Variants in PUDP observed in about 807,000 individuals in gnomAD.
PUDP encodes the protein pseudouridine 5'-phosphatase.
Under a neutral mutation model 9.4 loss-of-function variants are expected in PUDP, and 8 were observed. The observed-to-expected ratio is 0.85, with a 90% CI of 0.50 to 1.53. PUDP has a LOEUF of 1.53. Ranked by LOEUF, PUDP falls within the 40% of genes most tolerant of loss-of-function variation. The pLI is 0.00. For synonymous variants in PUDP, 99 were observed against 80.7 expected (o/e 1.23, Z -1.22); for missense variants, 188 against 189.7 (o/e 0.99, Z 0.05).
At chrX:6,780,730 T>TACAC (rs1281795801) in intron 3 of PUDP, among the ~76,000 whole-genome samples, 1 of 109,560 alleles carries the variant, frequency 9.1e-6, no homozygotes. Context: ...GATAAACATG[T>TACAC]ACACACACAC....
intron 3 of PUDP, among the ~76,000 whole-genome samples, chrX:6,829,207 C>T (rs1032516087): frequency 3.6e-5 from 4 of 111,303 alleles, no homozygotes; most frequent in African/African-American, 1.3e-4. Context: ...TGTTTAAATG[C>T]CAGCAAATCT....
intron 3 of PUDP, among the ~76,000 whole-genome samples, chrX:6,830,564 G>A (rs1230062843): frequency 8.9e-6 from 1 of 111,826 alleles, no homozygotes; most frequent in Admixed American, 9.5e-5. Flanking sequence ...AATATCTAAG[G>A]ATTCATTTTT....
intron 2 of PUDP, among the ~76,000 whole-genome samples, chrX:7,099,849 C>A (rs762602492): frequency 1.8e-5 from 2 of 111,523 alleles, no homozygotes; most frequent in Admixed American, 1.9e-4. Flanking sequence ...GCAGACATGC[C>A]CCCACATCAT....
At chrX:7,060,535 G>A (rs1930370936) in intron 3 of PUDP, among the ~76,000 whole-genome samples, 1 of 112,077 alleles carries the variant, frequency 8.9e-6, no homozygotes, top group South Asian at 3.7e-4. Flanking sequence ...CAGAAGTGCT[G>A]CCATGGATAA....
chrX:6,809,467 AT>A (rs200455469), intron 3 of PUDP, among the ~76,000 whole-genome samples: 5 of 107,020 alleles, frequency 4.7e-5, no homozygotes, highest in East Asian at 6.0e-4. Context: ...TAATTTATTG[AT>A]TTTTTTTTGT....
chrX:7,109,518 G>A (rs1283666864), intron 1 of PUDP, among the ~76,000 whole-genome samples: 1 of 112,377 alleles, frequency 8.9e-6, no homozygotes, highest in Non-Finnish European at 1.9e-5. Context: ...CTCTAAAAAT[G>A]CTTCCAACAG....
chrX:6,753,857 T>G (rs1925137608), intron 3 of PUDP, among the ~76,000 whole-genome samples: 1 of 112,129 alleles, frequency 8.9e-6, no homozygotes, highest in Admixed American at 9.4e-5. Context: ...TTGAGTTCAT[T>G]GTAGATTCTA....
intron 1 of PUDP, among the ~76,000 whole-genome samples, chrX:7,140,273 A>C (rs1765034927): frequency 8.9e-6 from 1 of 111,873 alleles, no homozygotes; most frequent in Admixed American, 9.5e-5. Flanking sequence ...TAATATATTA[A>C]ATGCTGCATT....
chrX:6,944,915 G>A (rs776213452), intron 3 of PUDP, among the ~76,000 whole-genome samples: 2 of 111,575 alleles, frequency 1.8e-5, no homozygotes, highest in East Asian at 5.7e-4. Context: ...CTCCTTATCC[G>A]ATCACAAATC....
At chrX:6,893,437 CAAG>C (rs1026747941) in intron 3 of PUDP, among the ~76,000 whole-genome samples, 1 of 111,653 alleles carries the variant, frequency 9.0e-6, no homozygotes, top group African/African-American at 3.3e-5. Context: ...CCTAAAATAT[CAAG>C]AAAAGTGTTC....
intron 1 of PUDP, among the ~76,000 whole-genome samples, chrX:7,123,491 C>T (rs1429572479): frequency 9.0e-6 from 1 of 111,665 alleles, no homozygotes; most frequent in Non-Finnish European, 1.9e-5. Flanking sequence ...GAAGACTTAA[C>T]ACAGAAAACA....
chrX:6,866,261 T>TC, intron 3 of PUDP, among the ~76,000 whole-genome samples: 1 of 109,685 alleles, frequency 9.1e-6, no homozygotes, highest in African/African-American at 3.3e-5. Flanking sequence ...TTTATGGTTT[T>TC]TTTTTTTGTA....
intron 1 of PUDP, among the ~76,000 whole-genome samples, chrX:7,120,160 T>C (rs1306366994): frequency 8.1e-5 from 9 of 111,465 alleles, no homozygotes; most frequent in African/African-American, 2.6e-4. Context: ...GAGAGAATAA[T>C]TGTCCCCCAA....
chrX:7,066,089 T>C (rs1315290568), intron 3 of PUDP, among the ~76,000 whole-genome samples: 1 of 111,843 alleles, frequency 8.9e-6, no homozygotes, highest in Non-Finnish European at 1.9e-5. Flanking sequence ...GATGCACTAG[T>C]GTATGGGGGA....
intron 2 of PUDP, among the ~76,000 whole-genome samples, chrX:7,094,986 G>A (rs1398671702): frequency 2.7e-5 from 3 of 111,769 alleles, no homozygotes; most frequent in East Asian, 5.7e-4. Flanking sequence ...GCCCCAAATC[G>A]AGACCACCAC....
intron 1 of PUDP, among the ~76,000 whole-genome samples, chrX:7,026,168 A>G (rs1298760795): frequency 8.9e-6 from 1 of 112,133 alleles, no homozygotes; most frequent in Non-Finnish European, 1.9e-5. Flanking sequence ...CAAGGGCCCC[A>G]GCAGCCTGCC....
At chrX:6,937,505 A>G (rs1411508149) in intron 3 of PUDP, among the ~76,000 whole-genome samples, 3 of 102,168 alleles carry the variant, frequency 2.9e-5, no homozygotes, top group Non-Finnish European at 6.0e-5. Flanking sequence ...AGACTTAAAC[A>G]TTAGACCTAA....
At chrX:6,715,811 C>T (rs1336556565) in intron 1 of PUDP, among the ~76,000 whole-genome samples, 1 of 111,550 alleles carries the variant, frequency 9.0e-6, no homozygotes, top group Non-Finnish European at 1.9e-5. Context: ...CAGGCTTACC[C>T]TCAGAACTGC....
intron 3 of PUDP, among the ~76,000 whole-genome samples, chrX:6,816,713 T>C (rs1926242191): frequency 2.0e-5 from 2 of 98,272 alleles, no homozygotes; most frequent in African/African-American, 7.3e-5. Context: ...ATATACTATA[T>C]AGTATATACA....
Sources: gnomAD v4.1 joint callset for allele counts (sites outside exome capture counted in the v4.1 genomes callset) on GRCh38, gnomAD v4.1.1 for gene constraint, MANE v1.5 for transcripts, NCBI Gene and HGNC (gene_info 2026-07-23, HGNC 2026-07-21) for gene names.